Variants in GPHN observed in about 807,000 individuals in gnomAD.
The protein encoded by GPHN is gephyrin.
GPHN carries 17 observed loss-of-function variants against 95.5 expected under a neutral mutation model. The ratio of observed to expected loss-of-function variants is 0.18; its 90% CI spans 0.12 to 0.27. The LOEUF is 0.27. GPHN is among the 10% of genes least tolerant of loss of function. The pLI, the probability that GPHN is intolerant of heterozygous loss-of-function variation, is 1.00. For synonymous variants in GPHN, 320 were observed against 322.5 expected, an observed-to-expected ratio of 0.99 and a Z score of 0.08; for missense variants, 660 against 978.1, an observed-to-expected ratio of 0.67 and a Z score of 4.34.
chr14:67,015,218 A>G (rs545242434), intron 9 of GPHN, among the ~76,000 whole-genome samples: 84 of 152,338 alleles, frequency 5.5e-4, no homozygotes, highest in African/African-American at 1.9e-3. Flanking sequence ...GAATGGGTCA[A>G]TACTGAAAAG....
chr14:66,723,029 T>A (rs577581110), intron 2 of GPHN, among the ~76,000 whole-genome samples: 2 of 152,258 alleles, frequency 1.3e-5, no homozygotes, highest in South Asian at 4.2e-4. Context: ...CCTTGAATAC[T>A]TTGCATATAG....
the GPHN span, among the ~76,000 whole-genome samples, chr14:67,696,440 A>T: frequency 0.29 from 43,887 of 152,044 alleles, 7,614 homozygotes; most frequent in African/African-American, 0.48. Flanking sequence ...CTTTTTCCAG[A>T]GAAGAGGAAG....
the GPHN span, among the ~76,000 whole-genome samples, chr14:67,322,199 T>C: frequency 1.3e-5 from 2 of 151,936 alleles, no homozygotes; most frequent in Non-Finnish European, 2.9e-5. Flanking sequence ...TTAAAAAAAA[T>C]TAGCCAGGTG....
At chr14:67,254,006 T>A in the GPHN span, among the ~76,000 whole-genome samples, 1 of 148,078 alleles carries the variant, frequency 6.8e-6, no homozygotes, top group African/African-American at 2.6e-5. Context: ...TTTCATGTCT[T>A]TTTTGGGCCT....
the GPHN span, chr14:67,691,937 C>T: frequency 7.7e-4 from 118 of 154,100 alleles, no homozygotes; most frequent in Non-Finnish European, 1.3e-3. Context: ...GATGCCAGCT[C>T]GGGTTCTAAT....
chr14:66,893,671 G>T (rs1487618470), intron 5 of GPHN, among the ~76,000 whole-genome samples: 3 of 152,240 alleles, frequency 2.0e-5, no homozygotes, highest in East Asian at 3.9e-4. Context: ...AAAGTCTTAG[G>T]ATACAAAATC....
At chr14:66,705,230 A>G (rs370630242) in intron 2 of GPHN, among the ~76,000 whole-genome samples, 2 of 152,272 alleles carry the variant, frequency 1.3e-5, no homozygotes, top group Admixed American at 6.5e-5. Flanking sequence ...GAATTCTACC[A>G]GAAGTACAAA....
the GPHN span, chr14:67,573,870 G>A: frequency 7.8e-5 from 126 of 1,613,212 alleles, no homozygotes; most frequent in Non-Finnish European, 9.3e-5. The surrounding 1 kb of genome is among the most constrained non-coding windows in gnomAD (Gnocchi z 4.8). Context: ...TCGAGGGGAG[G>A]GTTCACAGAC....
the GPHN span, among the ~76,000 whole-genome samples, chr14:67,437,074 C>G: frequency 6.6e-6 from 1 of 152,094 alleles, no homozygotes; most frequent in Non-Finnish European, 1.5e-5. Flanking sequence ...AAACAAACAA[C>G]AACAATAAAA....
chr14:67,164,043 C>T (rs997825529), intron 19 of GPHN, among the ~76,000 whole-genome samples: 9 of 151,494 alleles, frequency 5.9e-5, no homozygotes, highest in East Asian at 1.9e-4. Flanking sequence ...CCGAGGCAGG[C>T]GGATCACCTG....
intron 1 of GPHN, among the ~76,000 whole-genome samples, chr14:66,609,276 TC>T (rs1188213438): frequency 6.6e-6 from 1 of 152,164 alleles, no homozygotes; most frequent in African/African-American, 2.4e-5. Context: ...TGGTTTCCGA[TC>T]TCTTCTGGCT....
At chr14:66,739,833 C>T (rs959599727) in intron 2 of GPHN, among the ~76,000 whole-genome samples, 1 of 151,920 alleles carries the variant, frequency 6.6e-6, no homozygotes, top group Admixed American at 6.6e-5. Flanking sequence ...AACAACTATG[C>T]TTACTTAATA....
chr14:66,508,889 G>C (rs576387041), intron 1 of GPHN, among the ~76,000 whole-genome samples: 2 of 152,286 alleles, frequency 1.3e-5, no homozygotes, highest in South Asian at 2.1e-4. Flanking sequence ...GGCGCTGCGG[G>C]GCTCCGCGCT....
the GPHN span, chr14:67,392,869 G>C: frequency 1.3e-6 from 2 of 1,591,480 alleles, no homozygotes; most frequent in Non-Finnish European, 8.6e-7. Flanking sequence ...GGCAGCACCA[G>C]TCAGGCGATG....
the GPHN span, among the ~76,000 whole-genome samples, chr14:67,423,790 T>A: frequency 6.6e-6 from 1 of 152,292 alleles, no homozygotes; most frequent in South Asian, 2.1e-4. Context: ...TGTCACAATA[T>A]CCAGAAGTGT....
chr14:67,642,064 A>T, the GPHN span: 2 of 1,003,144 alleles, frequency 2.0e-6, no homozygotes, highest in African/African-American at 3.2e-5. Context: ...GACATTTTAA[A>T]TTTTACTGTG....
At chr14:67,398,007 C>T in the GPHN span, 7 of 421,528 alleles carry the variant, frequency 1.7e-5, no homozygotes, top group Non-Finnish European at 2.9e-5. Context: ...TGGCACTGAC[C>T]TTCTAGTTCC....
the GPHN span, chr14:67,678,144 G>A: frequency 1.8e-6 from 1 of 549,480 alleles, no homozygotes. Flanking sequence ...GGACATGACA[G>A]ACATTTAGAC....
the GPHN span, among the ~76,000 whole-genome samples, chr14:67,531,411 C>G: frequency 6.6e-6 from 1 of 152,136 alleles, no homozygotes. Flanking sequence ...CTACCACCCT[C>G]CCACAGACTG....
Sources: gnomAD v4.1 joint callset for allele counts (sites outside exome capture counted in the v4.1 genomes callset) on GRCh38, gnomAD v4.1.1 for gene constraint, Gnocchi (gnomAD v3.1) non-coding constraint, MANE v1.5 for transcripts, NCBI Gene and HGNC (gene_info 2026-07-23, HGNC 2026-07-21) for gene names.